Variants in PCDH15 observed in about 807,000 individuals in gnomAD.
PCDH15 encodes the protein protocadherin-15.
PCDH15 carries 129 observed loss-of-function variants against 178.5 expected under a neutral mutation model. The observed-to-expected ratio is 0.72, with a 90% CI of 0.63 to 0.84. The LOEUF (loss-of-function observed/expected upper bound fraction) is 0.84. Ranked by LOEUF, PCDH15 falls within the 40% of genes least tolerant of loss-of-function variation. The pLI is 0.00. For synonymous variants in PCDH15, 800 were observed against 732.0 expected (o/e 1.09, Z -1.50); for missense variants, 2,230 against 2,099.9 (o/e 1.06, Z -1.21).
intron 5 of PCDH15, among the ~76,000 whole-genome samples, chr10:54,351,420 A>G (rs1472703940): frequency 6.6e-6 from 1 of 152,108 alleles, no homozygotes; most frequent in East Asian, 1.9e-4. Context: ...CTCTTTAAAG[A>G]CAGACCATAA....
chr10:55,380,079 A>G (rs1034877415), intron 2 of PCDH15, among the ~76,000 whole-genome samples: 1 of 152,140 alleles, frequency 6.6e-6, no homozygotes, highest in East Asian at 1.9e-4. Flanking sequence ...GAGAAAAATG[A>G]CTGTGATCAG....
At chr10:54,317,840 G>A (rs1177771750) in intron 7 of PCDH15, among the ~76,000 whole-genome samples, 2 of 152,028 alleles carry the variant, frequency 1.3e-5, no homozygotes, top group Non-Finnish European at 2.9e-5. Flanking sequence ...AAAAAGATTG[G>A]TAAATTAACT....
intron 2 of PCDH15, among the ~76,000 whole-genome samples, chr10:54,961,924 G>A (rs1233736882): frequency 6.6e-6 from 1 of 151,932 alleles, no homozygotes; most frequent in Non-Finnish European, 1.5e-5. Flanking sequence ...GATATGAGTT[G>A]CCCACTTTGG....
At chr10:53,822,354 G>T (rs1268531021) in intron 32 of PCDH15, 3 of 1,579,698 alleles carry the variant, frequency 1.9e-6, no homozygotes, top group South Asian at 2.3e-5. Context: ...TGTAGGAGGA[G>T]GAAGAGGAAG....
intron 8 of PCDH15, among the ~76,000 whole-genome samples, chr10:54,315,866 C>T (rs1050956399): frequency 6.6e-6 from 1 of 151,972 alleles, no homozygotes; most frequent in Non-Finnish European, 1.5e-5. Flanking sequence ...TTATGTTTGT[C>T]ATCATTACTT....
In PCDH15 at chr10:53,857,094, A is replaced by C. The variant is rs919600871; in HGVS notation, c.3806+81T>G. On this transcript the variant is annotated intron_variant, in intron 28 of 37. Coordinates refer to ENST00000644397, the MANE Select transcript of PCDH15 (RefSeq NM_001384140.1). ...AACACACCTGCACATGTATCCCCTG[A>C]ATCTAAAATAAAATTTAAAAAATAC... The C allele has an allele frequency of 9.7e-6, 10 of 1,025,952 alleles. No homozygotes were observed. The African/African-American group carries it at 1.6e-4, about 17-fold the overall frequency. The allele number at this position is 1,025,952 out of a possible 1,614,324, so 63.6% of individuals were successfully genotyped here.
chr10:55,176,466 G>GT (rs1391008867), intron 1 of PCDH15, among the ~76,000 whole-genome samples: 1 of 152,054 alleles, frequency 6.6e-6, no homozygotes, highest in Non-Finnish European at 1.5e-5. Context: ...TGCCATACCT[G>GT]TCCAGATCCA....
At chr10:53,815,203 C>T (rs997074480) in intron 35 of PCDH15, among the ~76,000 whole-genome samples, 1 of 152,072 alleles carries the variant, frequency 6.6e-6, no homozygotes. Context: ...GCTGTCCACA[C>T]AGGGAAAACA....
rs549627298 is a variant in PCDH15 at position 54,516,602 on chromosome 10, A to G, written c.157+11210T>C. 4.4e-3 allele frequency among the ~76,000 whole-genome samples: 670 copies of G among 152,320 alleles called. 4 individuals are homozygous for G. Among genetic ancestry groups the G allele is most frequent in the African/African-American group, 0.016 (656 of 41,582 alleles). ...CGTCTGACTGGTGTACCTGAAAGTGACGGGGAGAATGGAACCAAGTTGGAA... is the reference window on the plus strand; with the variant it reads ...CGTCTGACTGGTGTACCTGAAAGTGGCGGGGAGAATGGAACCAAGTTGGAA... On this transcript the variant is annotated intron_variant, in intron 3 of 37. Coordinates refer to ENST00000644397, the MANE Select transcript of PCDH15 (RefSeq NM_001384140.1).
chr10:54,499,867 G>A (rs887361076), intron 3 of PCDH15, among the ~76,000 whole-genome samples: 1 of 152,110 alleles, frequency 6.6e-6, no homozygotes, highest in Non-Finnish European at 1.5e-5. Flanking sequence ...TCACACAAAA[G>A]AAAAACTACG....
At chr10:54,915,612 G>T (rs895214056) in intron 2 of PCDH15, among the ~76,000 whole-genome samples, 2 of 152,136 alleles carry the variant, frequency 1.3e-5, no homozygotes, top group Admixed American at 6.6e-5. Flanking sequence ...TTTACATAAA[G>T]TGTTAGTACT....
At chr10:54,585,164 T>A in intron 2 of PCDH15, among the ~76,000 whole-genome samples, 1 of 93,104 alleles carries the variant, frequency 1.1e-5, no homozygotes, top group East Asian at 3.5e-4. Context: ...CCACAGAAGT[T>A]GGCTGCCCTA....
At chr10:55,563,190 G>A (rs2132101319) in intron 2 of PCDH15, among the ~76,000 whole-genome samples, 1 of 151,988 alleles carries the variant, frequency 6.6e-6, no homozygotes, top group Non-Finnish European at 1.5e-5. Flanking sequence ...AAAGGTGGTA[G>A]CCATTGTTTT....
intron 17 of PCDH15, among the ~76,000 whole-genome samples, chr10:54,075,374 C>G (rs759515672): frequency 1.0e-5 from 1 of 97,780 alleles, no homozygotes; most frequent in Non-Finnish European, 2.8e-5. Flanking sequence ...AAAAATCCAT[C>G]TCAAAAAATA....
At chr10:54,944,682 T>A (rs1009129232) in intron 2 of PCDH15, among the ~76,000 whole-genome samples, 1 of 151,924 alleles carries the variant, frequency 6.6e-6, no homozygotes, top group South Asian at 2.1e-4. Context: ...CCTCTCAGGT[T>A]GTTATATGAG....
chr10:54,409,110 T>C (rs1236915581), intron 3 of PCDH15, among the ~76,000 whole-genome samples: 1 of 152,182 alleles, frequency 6.6e-6, no homozygotes, highest in East Asian at 1.9e-4. Context: ...TCTCATTGCC[T>C]TGTCTGCCAC....
intron 16 of PCDH15, among the ~76,000 whole-genome samples, chr10:54,088,114 C>T (rs72797016): frequency 0.2 from 29,818 of 152,166 alleles, 3,183 homozygotes; most frequent in Non-Finnish European, 0.25. Context: ...GTCTCAAGCA[C>T]TTCTTTATAG....
At chr10:54,915,211 T>G (rs144063106) in intron 2 of PCDH15, among the ~76,000 whole-genome samples, 198 of 152,342 alleles carry the variant, frequency 1.3e-3, no homozygotes, top group Admixed American at 3.7e-3. Flanking sequence ...ATGAACTTTG[T>G]GTCTAAGATC....
intron 13 of PCDH15, among the ~76,000 whole-genome samples, 187 bp downstream of exon 13, chr10:54,183,257 C>T (rs1319259649): frequency 6.6e-6 from 1 of 152,196 alleles, no homozygotes; most frequent in African/African-American, 2.4e-5. Context: ...AGGCGTGAGC[C>T]ACCATGCCTG....
Sources: allele counts gnomAD v4.1 joint callset (sites outside exome capture counted in the v4.1 genomes callset), GRCh38; gene constraint gnomAD v4.1.1; transcripts MANE v1.5; gene names NCBI Gene and HGNC (gene_info 2026-07-23, HGNC 2026-07-21).